The following PPP1R2 variants were observed in gnomAD, a reference collection of about 807,000 sequenced individuals.
PPP1R2 encodes the protein protein phosphatase 1 regulatory inhibitor subunit 2, also known as protein phosphatase inhibitor 2.
Under a neutral mutation model 29.9 loss-of-function variants are expected in PPP1R2, and 16 were observed. The observed-to-expected ratio is 0.53, with a 90% confidence interval of 0.36 to 0.81. PPP1R2 has a LOEUF of 0.81. Among genes scored for constraint, PPP1R2 ranks in the 30% least tolerant of loss-of-function variants. The pLI is 0.00. For synonymous variants in PPP1R2, 76 were observed against 91.5 expected, an observed-to-expected ratio of 0.83 and a Z score of 0.96; for missense variants, 197 against 252.7, an observed-to-expected ratio of 0.78 and a Z score of 1.49.
chr3:195,533,795 T>A lies in PPP1R2; in HGVS notation c.123-3894A>T, dbSNP rs146488691. The stretch of plus-strand genomic sequence containing the variant: ...CATCTTTTATGTGAGTGCAGGATTG[T>A]ACAAGACTATAGACTCTAATATGAT... On this transcript the variant is annotated intron_variant, in intron 1 of 5. Coordinates refer to ENST00000618156, the MANE Select transcript of PPP1R2 (RefSeq NM_006241.8). 6.1e-3 allele frequency among the ~76,000 whole-genome samples: 934 copies of A among 152,330 alleles called. 9 individuals are homozygous for A. Among genetic ancestry groups the A allele is most frequent in the African/African-American group, 0.02 (828 of 41,582 alleles).
At chr3:195,520,114 A>G (rs1207521834) in intron 4 of PPP1R2, among the ~76,000 whole-genome samples, 2 of 152,110 alleles carry the variant, frequency 1.3e-5, no homozygotes, top group Admixed American at 1.3e-4. Context: ...GGTTTAAGCG[A>G]TTCTCCTGCC....
At position 195,526,103 on chromosome 3, in the gene PPP1R2, A is replaced by AATT. The variant is rs1460162472; in HGVS notation, c.231-1208_231-1207insAAT. Among the ~76,000 whole-genome samples, 27 of 146,066 alleles carry AATT rather than the reference A, an allele frequency of 1.8e-4. No homozygotes were observed. In the South Asian group the frequency reaches 2.8e-3, roughly 15 times the overall value. ...TAAAAAGCATCTTCACTTAAATAAA[A>AATT]TTTTTTTTTTTTTTGAGACAGGGTC... On this transcript the variant is annotated intron_variant, in intron 2 of 5. Coordinates refer to ENST00000618156, the MANE Select transcript of PPP1R2 (RefSeq NM_006241.8).
chr3:195,533,652 T>C (rs1719270607), intron 1 of PPP1R2, among the ~76,000 whole-genome samples: 1 of 152,116 alleles, frequency 6.6e-6, no homozygotes, highest in Admixed American at 6.5e-5. Context: ...GAATCCACCA[T>C]AAAGACCATT....
intron 2 of PPP1R2, among the ~76,000 whole-genome samples, chr3:195,526,647 C>T (rs1227726574): frequency 1.3e-5 from 2 of 152,072 alleles, no homozygotes; most frequent in African/African-American, 4.8e-5. Flanking sequence ...TAAGGTCTCC[C>T]TCTGTCATCC....
At chr3:195,517,011 T>C in intron 5 of PPP1R2, 69 bp from the exon 6 acceptor site, 1 of 1,226,682 alleles carries the variant, frequency 8.2e-7, no homozygotes. Context: ...AGTTCCCTTC[T>C]ATTAGCATGC....
At chr3:195,523,533 A>T (rs1478562328) in intron 4 of PPP1R2, among the ~76,000 whole-genome samples, 159 bp downstream of exon 4, 1 of 152,250 alleles carries the variant, frequency 6.6e-6, no homozygotes, top group Admixed American at 6.5e-5. Context: ...ATTACACAAC[A>T]AAACACACAA....
chr3:195,525,122 A>G (rs962115346), intron 2 of PPP1R2, among the ~76,000 whole-genome samples: 21 of 152,298 alleles, frequency 1.4e-4, no homozygotes, highest in African/African-American at 4.6e-4. Flanking sequence ...ACACATAAAT[A>G]CAGTCTGCCT....
chr3:195,529,645 A>G, intron 2 of PPP1R2, 149 bp downstream of exon 2: 1 of 548,062 alleles, frequency 1.8e-6, no homozygotes, highest in South Asian at 2.9e-5. Flanking sequence ...AACCATTACT[A>G]AACAAATTGC....
chr3:195,538,517 G>T (rs1052048233), intron 1 of PPP1R2, among the ~76,000 whole-genome samples: 1 of 54,116 alleles, frequency 1.8e-5, no homozygotes, highest in African/African-American at 8.0e-5. Flanking sequence ...GTAACTTTTA[G>T]AAAACAAATT....
At chr3:195,531,918 G>C (rs1719193141) in intron 1 of PPP1R2, among the ~76,000 whole-genome samples, 1 of 152,172 alleles carries the variant, frequency 6.6e-6, no homozygotes, top group Non-Finnish European at 1.5e-5. Context: ...CTAGAAATGT[G>C]ACCACTCTAG....
At chr3:195,539,981 G>A (rs1046124384) in intron 1 of PPP1R2, among the ~76,000 whole-genome samples, 12 of 152,126 alleles carry the variant, frequency 7.9e-5, no homozygotes, top group African/African-American at 2.7e-4. Flanking sequence ...TAATATTTAC[G>A]TAAAATAACA....
At chr3:195,517,017 C>T (rs2108935489) in intron 5 of PPP1R2, 75 bp from the exon 6 acceptor site, 1 of 1,132,580 alleles carries the variant, frequency 8.8e-7, no homozygotes, top group East Asian at 2.4e-5. Context: ...CTTCTATTAG[C>T]ATGCATGACA....
chr3:195,541,729 T>A (rs1719607743), intron 1 of PPP1R2, among the ~76,000 whole-genome samples: 1 of 152,156 alleles, frequency 6.6e-6, no homozygotes, highest in African/African-American at 2.4e-5. Flanking sequence ...CCAAAGAAGT[T>A]GGAAAATTGT....
chr3:195,540,359 T>C (rs145741128), intron 1 of PPP1R2, among the ~76,000 whole-genome samples: 1 of 152,250 alleles, frequency 6.6e-6, no homozygotes, highest in Non-Finnish European at 1.5e-5. Flanking sequence ...GTGAATCTGG[T>C]GTGTAAAATG....
Position 195,518,537 on chromosome 3 carries a change from G to A in PPP1R2, c.571+481C>T, listed in dbSNP as rs558517855. On this transcript the variant is annotated intron_variant, in intron 5 of 5. Coordinates refer to ENST00000618156, the MANE Select transcript of PPP1R2 (RefSeq NM_006241.8). ...GTGGTGGCAGGCGCCTGTAATCCCA[G>A]CTACTCGGGAGGCTGAGGCAGGAGA... 7.2e-5 allele frequency among the ~76,000 whole-genome samples: 11 copies of A among 152,054 alleles called. No homozygotes were observed. The East Asian group carries it at 2.1e-3, about 29-fold the overall frequency.
chr3:195,527,845 G>T (rs1472137461), intron 2 of PPP1R2: 6 of 355,826 alleles, frequency 1.7e-5, no homozygotes, highest in Non-Finnish European at 3.2e-5. Flanking sequence ...CCACTGCACT[G>T]GGCAACATAG....
intron 1 of PPP1R2, 31 bp from the exon 2 acceptor site, chr3:195,529,932 A>G: frequency 6.7e-7 from 1 of 1,490,014 alleles, no homozygotes. Context: ...CGTTTTTCCC[A>G]ATGCAGAAAA....
At chr3:195,533,158 C>A (rs1427891204) in intron 1 of PPP1R2, among the ~76,000 whole-genome samples, 1 of 151,962 alleles carries the variant, frequency 6.6e-6, no homozygotes, top group Admixed American at 6.6e-5. Context: ...ACCAGCCTAG[C>A]CAACATGGTG....
intron 1 of PPP1R2, among the ~76,000 whole-genome samples, chr3:195,535,202 C>T (rs1297059128): frequency 3.9e-5 from 6 of 152,252 alleles, no homozygotes; most frequent in African/African-American, 9.6e-5. Context: ...CTAGAGCCCG[C>T]GCATGCACAG....
Sources: allele counts gnomAD v4.1 joint callset (sites outside exome capture counted in the v4.1 genomes callset), GRCh38; gene constraint gnomAD v4.1.1; transcripts MANE v1.5; gene names NCBI Gene and HGNC (gene_info 2026-07-23, HGNC 2026-07-21).